CNTN1: variants seen among roughly 807,000 people sequenced by gnomAD.
CNTN1 encodes the protein contactin-1.
A neutral mutation model predicts 126.4 loss-of-function variants in CNTN1; 38 were observed. The observed-to-expected ratio is 0.30, with a 90% confidence interval of 0.23 to 0.39. The LOEUF is 0.39. CNTN1 is among the 10% of genes least tolerant of loss of function. The probability of loss-of-function intolerance (pLI) is 1.00; values close to 1 mark genes in which losing one functional copy is unlikely to be tolerated. For missense variants in CNTN1, 1,009 were observed against 1,248.4 expected, an observed-to-expected ratio of 0.81 and a Z score of 2.89; for synonymous variants, 413 against 422.6, an observed-to-expected ratio of 0.98 and a Z score of 0.28.
intron 23 of CNTN1, among the ~76,000 whole-genome samples, chr12:41,068,015 C>T (rs988656504): frequency 6.6e-6 from 1 of 152,152 alleles, no homozygotes; most frequent in Non-Finnish European, 1.5e-5. Context: ...TCCTTCTGTG[C>T]CCTTGCCTTG....
chr12:40,971,748 A>C, intron 15 of CNTN1: 1 of 1,263,456 alleles, frequency 7.9e-7, no homozygotes, highest in Non-Finnish European at 9.9e-7. Context: ...TCAGTACATT[A>C]TATAATGGCC....
intron 3 of CNTN1, among the ~76,000 whole-genome samples, chr12:40,913,296 G>A (rs942163343): frequency 6.6e-6 from 1 of 152,186 alleles, no homozygotes; most frequent in Non-Finnish European, 1.5e-5. Flanking sequence ...GTTATCAGCA[G>A]GAAATGGTTG....
At chr12:40,993,994 T>A (rs1029095851) in intron 17 of CNTN1, among the ~76,000 whole-genome samples, 1 of 152,118 alleles carries the variant, frequency 6.6e-6, no homozygotes, top group Non-Finnish European at 1.5e-5. Context: ...TATGAAAGAA[T>A]TAGATTGAAT....
intron 1 of CNTN1, among the ~76,000 whole-genome samples, chr12:40,792,725 T>A (rs1940266300): frequency 6.6e-6 from 1 of 152,128 alleles, no homozygotes; most frequent in Admixed American, 6.6e-5. Flanking sequence ...TGGGTCTTTT[T>A]AGTTTTAATT....
intron 17 of CNTN1, among the ~76,000 whole-genome samples, chr12:41,000,353 T>C (rs1948325510): frequency 6.6e-6 from 1 of 152,188 alleles, no homozygotes; most frequent in Non-Finnish European, 1.5e-5. Flanking sequence ...CCCTTATTGT[T>C]TGATTATAGG....
At chr12:40,968,915 C>T (rs904359018) in intron 15 of CNTN1, among the ~76,000 whole-genome samples, 5 of 152,054 alleles carry the variant, frequency 3.3e-5, no homozygotes, top group Non-Finnish European at 7.4e-5. Flanking sequence ...CATGGTTTGT[C>T]AAATTAATTA....
At chr12:40,932,138 T>C (rs901184100) in intron 7 of CNTN1, among the ~76,000 whole-genome samples, 1 of 151,916 alleles carries the variant, frequency 6.6e-6, no homozygotes, top group African/African-American at 2.4e-5. Flanking sequence ...CCAATGGTAG[T>C]TACCTGATAC....
intron 13 of CNTN1, 56 bp downstream of exon 13, chr12:40,943,780 C>T (rs1362643952): frequency 7.0e-6 from 11 of 1,577,664 alleles, no homozygotes; most frequent in Non-Finnish European, 8.7e-6. Context: ...CATGATTCAG[C>T]ACTAAGCATC....
intron 20 of CNTN1, among the ~76,000 whole-genome samples, chr12:41,021,635 CTTT>C (rs34166721): frequency 9.1e-5 from 12 of 132,586 alleles, no homozygotes; most frequent in Non-Finnish European, 6.5e-5. Context: ...CAACAGGAAG[CTTT>C]TTTTTTTTTT....
intron 1 of CNTN1, among the ~76,000 whole-genome samples, chr12:40,904,392 T>C (rs977423571): frequency 3.0e-4 from 46 of 151,236 alleles, no homozygotes; most frequent in African/African-American, 1.1e-3. Context: ...TTTCCTTCCT[T>C]CCTTCTTCCC....
intron 1 of CNTN1, among the ~76,000 whole-genome samples, chr12:40,790,005 C>T (rs1940161213): frequency 6.6e-6 from 1 of 152,112 alleles, no homozygotes; most frequent in Non-Finnish European, 1.5e-5. Context: ...CCTCCACAGA[C>T]CCATGACTTG....
At position 40,758,075 on chromosome 12, in the gene CNTN1, A is replaced by T. The variant is rs558559271; in HGVS notation, c.-77+65483A>T. 1.1e-4 allele frequency among the ~76,000 whole-genome samples: 17 copies of T among 151,082 alleles called. No individual in the cohort carries two copies. The East Asian group carries it at 2.1e-3, about 19-fold the overall frequency. ...TGTGTTATTCATCTTCTTACACTTT[A>T]ATTTGGTGCCTTAGAGAAAGAAATT... On this transcript the variant is annotated intron_variant, in intron 1 of 23. Coordinates refer to ENST00000551295, the MANE Select transcript of CNTN1 (RefSeq NM_001843.4).
chr12:40,896,295 T>G (rs1418055728), intron 1 of CNTN1, among the ~76,000 whole-genome samples: 1 of 152,178 alleles, frequency 6.6e-6, no homozygotes, highest in Non-Finnish European at 1.5e-5. Flanking sequence ...AGGTATGTTT[T>G]TTTTTCCCTC....
At chr12:40,986,173 T>G (rs903462617) in intron 16 of CNTN1, among the ~76,000 whole-genome samples, 1 of 152,206 alleles carries the variant, frequency 6.6e-6, no homozygotes, top group African/African-American at 2.4e-5. Context: ...TAAAACCCTA[T>G]GAGATGATTT....
chr12:40,838,334 C>A (rs1942145137), intron 1 of CNTN1, among the ~76,000 whole-genome samples: 1 of 152,184 alleles, frequency 6.6e-6, no homozygotes. Context: ...CACACACCAA[C>A]TGAGACCCAA....
chr12:40,813,134 T>C (rs1941145251), intron 1 of CNTN1, among the ~76,000 whole-genome samples: 1 of 150,224 alleles, frequency 6.7e-6, no homozygotes, highest in Non-Finnish European at 1.5e-5. Context: ...TCTTTCTTTC[T>C]TTCTTTTTCT....
intron 1 of CNTN1, among the ~76,000 whole-genome samples, chr12:40,849,305 A>G (rs1942633243): frequency 6.6e-6 from 1 of 152,126 alleles, no homozygotes; most frequent in African/African-American, 2.4e-5. Context: ...AAGAAAACCT[A>G]CATACTTGAT....
intron 1 of CNTN1, among the ~76,000 whole-genome samples, chr12:40,872,896 AT>A (rs1417261296): frequency 6.6e-6 from 1 of 152,036 alleles, no homozygotes; most frequent in Non-Finnish European, 1.5e-5. Context: ...CTTGTTGCAT[AT>A]TTACAGCAAC....
intron 1 of CNTN1, among the ~76,000 whole-genome samples, chr12:40,769,716 T>G (rs1227050088): frequency 2.6e-5 from 4 of 152,172 alleles, no homozygotes; most frequent in Non-Finnish European, 4.4e-5. Context: ...TTTATCTTTA[T>G]TAGGGATTTT....
Sources: allele counts gnomAD v4.1 joint callset (sites outside exome capture counted in the v4.1 genomes callset), GRCh38; gene constraint gnomAD v4.1.1; transcripts MANE v1.5; gene names NCBI Gene and HGNC (gene_info 2026-07-23, HGNC 2026-07-21).